Variants in CSGALNACT2 observed in about 807,000 individuals in gnomAD.
The protein encoded by CSGALNACT2 is chondroitin sulfate N-acetylgalactosaminyltransferase 2, also known as beta 4 GalNAcT-2.
CSGALNACT2 carries 35 observed loss-of-function variants against 55.3 expected under a neutral mutation model. That is an observed-to-expected ratio of 0.63 (90% CI 0.48 to 0.84). The LOEUF is 0.84. CSGALNACT2 is among the 40% of genes least tolerant of loss of function. The probability of loss-of-function intolerance (pLI) is 0.00; values close to 1 mark genes in which losing one functional copy is unlikely to be tolerated. For synonymous variants in CSGALNACT2, 196 were observed against 224.9 expected, an observed-to-expected ratio of 0.87 and a Z score of 1.15; for missense variants, 544 against 657.5, an observed-to-expected ratio of 0.83 and a Z score of 1.89.
chr10:43,157,948 G>C (rs554042210), intron 2 of CSGALNACT2, among the ~76,000 whole-genome samples: 5 of 150,100 alleles, frequency 3.3e-5, no homozygotes, highest in African/African-American at 9.8e-5. Context: ...AGAATTGCTT[G>C]AACCCGGGAG....
chr10:43,160,428 G>T, intron 3 of CSGALNACT2, 66 bp from the exon 4 acceptor site: 1 of 793,020 alleles, frequency 1.3e-6, no homozygotes, highest in Non-Finnish European at 2.2e-6. Flanking sequence ...GCTTCATGTG[G>T]TTGCTTTCTT....
chr10:43,156,144 G>C (rs951710039), intron 2 of CSGALNACT2, among the ~76,000 whole-genome samples: 1 of 152,000 alleles, frequency 6.6e-6, no homozygotes, highest in African/African-American at 2.4e-5. Context: ...TCTTTTTTAT[G>C]TTTTTAAAAA....
At chr10:43,182,645 C>T (rs1839609111) in intron 7 of CSGALNACT2, among the ~76,000 whole-genome samples, 1 of 151,118 alleles carries the variant, frequency 6.6e-6, no homozygotes, top group Admixed American at 6.6e-5. Flanking sequence ...TTTGGGAAGC[C>T]AAGTGGGCGG....
chr10:43,179,269 C>T (rs1346436130), intron 7 of CSGALNACT2, among the ~76,000 whole-genome samples: 99 of 145,518 alleles, frequency 6.8e-4, no homozygotes, highest in Non-Finnish European at 6.1e-4. Flanking sequence ...TTTTTTTAAG[C>T]GTATGTCACA....
chr10:43,167,886 T>A (rs1760195052), intron 6 of CSGALNACT2, among the ~76,000 whole-genome samples: 1 of 151,592 alleles, frequency 6.6e-6, no homozygotes, highest in South Asian at 2.1e-4. Context: ...TTTAAAAAAA[T>A]GAAAAATAAC....
chr10:43,168,335 C>T (rs1839311207), intron 6 of CSGALNACT2, among the ~76,000 whole-genome samples: 1 of 152,018 alleles, frequency 6.6e-6, no homozygotes, highest in Admixed American at 6.6e-5. Context: ...CCTGTAGTCC[C>T]ACCTACTCAG....
chr10:43,181,567 A>G (rs1839589173), intron 7 of CSGALNACT2, among the ~76,000 whole-genome samples: 1 of 152,092 alleles, frequency 6.6e-6, no homozygotes, highest in Non-Finnish European at 1.5e-5. Context: ...TACTTTTCAG[A>G]GATCCCCAGA....
chr10:43,158,630 A>G (rs1298761346), intron 2 of CSGALNACT2, 85 bp from the exon 3 acceptor site: 2 of 778,566 alleles, frequency 2.6e-6, no homozygotes, highest in African/African-American at 1.7e-5. Context: ...AATACCCTTT[A>G]TGTTTAAGTG....
At chr10:43,150,634 G>A (rs1258204034) in intron 1 of CSGALNACT2, among the ~76,000 whole-genome samples, 1 of 152,124 alleles carries the variant, frequency 6.6e-6, no homozygotes, top group Non-Finnish European at 1.5e-5. Context: ...CATGTGGCCA[G>A]TTTAAAGATT....
chr10:43,172,041 C>T lies in CSGALNACT2; in HGVS notation c.1255-3910C>T, dbSNP rs149735854. 4.6e-5 allele frequency among the ~76,000 whole-genome samples: 7 copies of T among 152,274 alleles called. No individual in the cohort carries two copies. In the East Asian group the frequency reaches 1.2e-3, roughly 25 times the overall value. ...CAAGACTGGGGGATGGGAGCTCCTC[C>T]GTCGCTTCTGTTGGGGATTCAGGCC... On this transcript the variant is annotated intron_variant, in intron 6 of 7. Transcript: ENST00000374466.
rs778910736 is a variant in CSGALNACT2, at chr10:43,183,586, A to G, written c.*44A>G. ...ACTGTATGAACCACAAAACAGCACT[A>G]TTTATTTAGCCTTACTTCTACTTCC... On this transcript the variant is annotated 3_prime_UTR_variant, in exon 8 of 8. Transcript: ENST00000374466. 6.6e-7 allele frequency: 1 copy of G among 1,523,318 alleles called. No individual in the cohort carries two copies. The highest frequency in any genetic ancestry group is 1.1e-5 in the South Asian group (1 of 87,610). 94.4% of individuals were successfully genotyped at this position (1,523,318 alleles called of 1,614,324 possible).
At chr10:43,146,048 C>T (rs1387334336) in intron 1 of CSGALNACT2, among the ~76,000 whole-genome samples, 1 of 152,028 alleles carries the variant, frequency 6.6e-6, no homozygotes, top group Admixed American at 6.5e-5. Context: ...AGTCTGGGTT[C>T]TCTAGAGGGA....
chr10:43,156,872 G>A (rs1450676850), intron 2 of CSGALNACT2, among the ~76,000 whole-genome samples: 5 of 152,328 alleles, frequency 3.3e-5, no homozygotes, highest in East Asian at 1.9e-4. Flanking sequence ...AACAGGCCAC[G>A]GACCAGTAGC....
intron 4 of CSGALNACT2, chr10:43,163,367 C>T (rs1044067624): frequency 4.7e-6 from 3 of 635,034 alleles, no homozygotes; most frequent in Non-Finnish European, 5.9e-6. Flanking sequence ...ACAAATATGT[C>T]TAGCAATATG....
intron 6 of CSGALNACT2, among the ~76,000 whole-genome samples, chr10:43,169,660 A>C (rs1588909254): frequency 6.6e-6 from 1 of 152,212 alleles, no homozygotes; most frequent in Non-Finnish European, 1.5e-5. Flanking sequence ...GGAGTTCAGA[A>C]AAGAGAGAAT....
intron 1 of CSGALNACT2, among the ~76,000 whole-genome samples, chr10:43,147,402 G>A (rs969770489): frequency 1.2e-4 from 19 of 152,114 alleles, no homozygotes; most frequent in African/African-American, 3.9e-4. Flanking sequence ...TTTATAAGAC[G>A]CATGCTTTGC....
intron 5 of CSGALNACT2, among the ~76,000 whole-genome samples, chr10:43,165,311 A>G (rs1272292017): frequency 6.6e-6 from 1 of 152,146 alleles, no homozygotes; most frequent in Non-Finnish European, 1.5e-5. Context: ...GTTAATAACA[A>G]TGTATTGTAT....
intron 7 of CSGALNACT2, among the ~76,000 whole-genome samples, chr10:43,178,422 A>G (rs1839524289): frequency 6.6e-6 from 1 of 152,198 alleles, no homozygotes; most frequent in Non-Finnish European, 1.5e-5. Context: ...GGAGATCAAG[A>G]TCATCCTGGC....
At chr10:43,138,852 A>G (rs1838555489) in intron 1 of CSGALNACT2, among the ~76,000 whole-genome samples, 1 of 152,128 alleles carries the variant, frequency 6.6e-6, no homozygotes, top group Non-Finnish European at 1.5e-5. Context: ...TCAGTGGATA[A>G]ACTTTTTAAT....
Sources: gnomAD v4.1 joint callset for allele counts (sites outside exome capture counted in the v4.1 genomes callset) on GRCh38, gnomAD v4.1.1 for gene constraint, MANE v1.5 for transcripts, NCBI Gene and HGNC (gene_info 2026-07-23, HGNC 2026-07-21) for gene names.